Variants in KLHL4 observed in about 807,000 individuals in gnomAD.
The protein encoded by KLHL4 is kelch like family member 4.
In KLHL4, 17 loss-of-function variants were observed where a neutral mutation model predicts 45.8. The ratio of observed to expected loss-of-function variants is 0.37; its 90% confidence interval spans 0.25 to 0.56. The LOEUF is 0.56. KLHL4 is among the 20% of genes least tolerant of loss of function. KLHL4 has a pLI of 0.79. For missense variants in KLHL4, 544 were observed against 544.9 expected, an observed-to-expected ratio of 1.00 and a Z score of 0.02; for synonymous variants, 224 against 189.9, an observed-to-expected ratio of 1.18 and a Z score of -1.47.
intron 5 of KLHL4, among the ~76,000 whole-genome samples, chrX:87,624,994 C>T (rs1220089167): frequency 5.3e-5 from 6 of 112,247 alleles, no homozygotes; most frequent in Admixed American, 9.5e-5. Flanking sequence ...ACCCCAAATC[C>T]GCCAAAAAGA....
chrX:87,588,630 T>C (rs1441190869), intron 1 of KLHL4, among the ~76,000 whole-genome samples: 1 of 111,333 alleles, frequency 9.0e-6, no homozygotes, highest in Non-Finnish European at 1.9e-5. Context: ...TATCTCACCA[T>C]ATTAAAAAAA....
chrX:87,659,086 T>A (rs1924090880), intron 9 of KLHL4, among the ~76,000 whole-genome samples: 1 of 107,256 alleles, frequency 9.3e-6, no homozygotes, highest in Non-Finnish European at 1.9e-5. Context: ...CCTTAGGCTC[T>A]ATTCATATTT....
At chrX:87,599,225 C>T (rs1049454968) in intron 1 of KLHL4, among the ~76,000 whole-genome samples, 1 of 110,951 alleles carries the variant, frequency 9.0e-6, no homozygotes, top group African/African-American at 3.3e-5. Flanking sequence ...AGAGTTGGCT[C>T]TTTGCTTTCT....
chrX:87,634,158 C>T (rs993537911), intron 8 of KLHL4, among the ~76,000 whole-genome samples: 1 of 111,887 alleles, frequency 8.9e-6, no homozygotes, highest in Non-Finnish European at 1.9e-5. Context: ...ATCCACCTTT[C>T]GTATTTAGAA....
intron 1 of KLHL4, among the ~76,000 whole-genome samples, chrX:87,590,522 A>C (rs1458407642): frequency 8.9e-6 from 1 of 112,013 alleles, no homozygotes; most frequent in African/African-American, 3.2e-5. Flanking sequence ...AAAAGATATC[A>C]GACATTTAAA....
intron 1 of KLHL4, among the ~76,000 whole-genome samples, chrX:87,608,937 G>A (rs765433976): frequency 8.2e-5 from 9 of 109,707 alleles, no homozygotes; most frequent in East Asian, 2.9e-4. Context: ...AACAGGCCCC[G>A]GTGTGTGATG....
Position 87,635,659 on chromosome X carries a change from G to A in KLHL4, c.1809G>A (p.Met603Ile), listed in dbSNP as rs1923240557. The A allele has an allele frequency of 8.3e-7, 1 of 1,210,098 alleles. No individual in the cohort carries two copies. Among genetic ancestry groups the A allele is most frequent in the Non-Finnish European group, 1.1e-6 (1 of 893,885 alleles). Residue 603 changes from methionine to isoleucine, a missense_variant, in exon 9 of 11, where the codon ATG becomes ATA. Transcript: ENST00000373119. Reference protein sequence around the residue: ...HTNKWSLCAPMSKRRGGVGVA... With the variant: ...HTNKWSLCAPISKRRGGVGVA... The stretch of plus-strand genomic sequence containing the variant: ...ACAAGTGGAGTTTGTGTGCTCCAAT[G>A]TCCAAAAGACGTGGAGGTGTGGGAG...
intron 1 of KLHL4, among the ~76,000 whole-genome samples, chrX:87,539,516 T>G (rs1931507146): frequency 9.0e-6 from 1 of 110,501 alleles, no homozygotes; most frequent in South Asian, 3.7e-4. Flanking sequence ...TCAGAAATAC[T>G]GAACAACTTT....
chrX:87,526,398 T>C (rs1438424982), intron 1 of KLHL4, among the ~76,000 whole-genome samples: 1 of 112,226 alleles, frequency 8.9e-6, no homozygotes, highest in East Asian at 2.8e-4. Flanking sequence ...ATGTGCTAAT[T>C]TTCACCAGAG....
intron 9 of KLHL4, among the ~76,000 whole-genome samples, chrX:87,648,679 C>A (rs1445972242): frequency 9.0e-6 from 1 of 111,073 alleles, no homozygotes; most frequent in Non-Finnish European, 1.9e-5. Flanking sequence ...GATAAATGTA[C>A]CACTGACACA....
At chrX:87,534,123 C>G (rs919421044) in intron 1 of KLHL4, among the ~76,000 whole-genome samples, 2 of 111,385 alleles carry the variant, frequency 1.8e-5, no homozygotes, top group Admixed American at 9.7e-5. Context: ...AAGGTTGTAA[C>G]AGAGTAGAAT....
chrX:87,568,735 T>G (rs1932274701), intron 1 of KLHL4, among the ~76,000 whole-genome samples: 2 of 111,447 alleles, frequency 1.8e-5, no homozygotes, highest in South Asian at 7.4e-4. Context: ...GTGCTAAGAC[T>G]ATACAATGGG....
chrX:87,622,979 T>C (rs1227290288), intron 5 of KLHL4, among the ~76,000 whole-genome samples: 2 of 112,000 alleles, frequency 1.8e-5, no homozygotes, highest in Non-Finnish European at 1.9e-5. Context: ...ACTCAACTCA[T>C]ACTGAATTTT....
intron 4 of KLHL4, among the ~76,000 whole-genome samples, chrX:87,620,291 A>T (rs1359780107): frequency 3.6e-5 from 4 of 112,128 alleles, no homozygotes; most frequent in African/African-American, 1.3e-4. Flanking sequence ...TGAAATTAGG[A>T]GCAAAATAAT....
In KLHL4 at chrX:87,551,346, C is replaced by A. The variant is rs762782252; in HGVS notation, c.422+33031C>A. 2.1e-4 allele frequency among the ~76,000 whole-genome samples: 23 copies of A among 111,111 alleles called. No individual in the cohort carries two copies. The East Asian group carries it at 6.2e-3, about 30-fold the overall frequency. ...ACTACAAAACACTGCTGAAAGAAAT[C>A]ATAGATGACACAAACAAATAAAAAC... is the stretch of plus-strand genomic sequence containing the variant. On this transcript the variant is annotated intron_variant, in intron 1 of 10. Transcript: ENST00000373119.
rs1384967422 is a variant in KLHL4, at chrX:87,531,172, T to G, written c.422+12857T>G. Among the ~76,000 whole-genome samples the G allele has an allele frequency of 1.6e-4, 18 of 109,556 alleles. No individual in the cohort carries two copies. The South Asian group carries it at 6.7e-3, about 41-fold the overall frequency. ...TTGTAGATTCTGGATATTAGCCCTT[T>G]GTCAGATGAGTAGGTTGCGAAAATT... On this transcript the variant is annotated intron_variant, in intron 1 of 10. Coordinates refer to ENST00000373119, the MANE Select transcript of KLHL4 (RefSeq NM_019117.5).
At chrX:87,565,878 C>G (rs1351907554) in intron 1 of KLHL4, among the ~76,000 whole-genome samples, 1 of 108,895 alleles carries the variant, frequency 9.2e-6, no homozygotes, top group East Asian at 2.9e-4. Context: ...AATAGAAAAT[C>G]TGAAAAGGCA....
chrX:87,565,744 C>T (rs1421965298), intron 1 of KLHL4, among the ~76,000 whole-genome samples: 1 of 86,612 alleles, frequency 1.2e-5, no homozygotes, highest in Non-Finnish European at 2.2e-5. Flanking sequence ...TACTGCTGAT[C>T]TTACAGATAC....
chrX:87,638,756 A>G (rs994205604), intron 9 of KLHL4, among the ~76,000 whole-genome samples: 13 of 111,735 alleles, frequency 1.2e-4, no homozygotes, highest in East Asian at 2.8e-4. Context: ...TATACATCTC[A>G]CAGGACATAT....
Sources: allele counts gnomAD v4.1 joint callset (sites outside exome capture counted in the v4.1 genomes callset), GRCh38; gene constraint gnomAD v4.1.1; transcripts MANE v1.5; gene names NCBI Gene and HGNC (gene_info 2026-07-23, HGNC 2026-07-21).